SVIL: variants seen among roughly 807,000 people sequenced by gnomAD.
SVIL encodes archvillin.
In SVIL, 101 loss-of-function variants were observed where a neutral mutation model predicts 240.4. The ratio of observed to expected loss-of-function variants is 0.42; its 90% confidence interval spans 0.36 to 0.50. The LOEUF is 0.50. Among genes scored for constraint, SVIL ranks in the 20% least tolerant of loss-of-function variants. The pLI, the probability that SVIL is intolerant of heterozygous loss-of-function variation, is 0.01. For missense variants in SVIL, 2,512 were observed against 2,818.7 expected, an observed-to-expected ratio of 0.89 and a Z score of 2.46; for synonymous variants, 999 against 1,100.0, an observed-to-expected ratio of 0.91 and a Z score of 1.82.
rs550638601 is a variant in SVIL, at chr10:29,728,558, A to G, written c.-400+7193T>C. On this transcript the variant is annotated intron_variant, in intron 1 of 35. Transcript: ENST00000375400. ...GAAGGGTTTGCAAATTGTTAAGAAGAAAAAAATGAAAGGGAAAGGAATGCA... is the reference window on the plus strand; with the variant it reads ...GAAGGGTTTGCAAATTGTTAAGAAGGAAAAAATGAAAGGGAAAGGAATGCA... 6.6e-5 allele frequency among the ~76,000 whole-genome samples: 10 copies of G among 152,282 alleles called. No individual in the cohort carries two copies. In the South Asian group the frequency reaches 2.1e-3, roughly 32 times the overall value.
At chr10:29,597,036 A>G (rs956870250) in intron 1 of SVIL, among the ~76,000 whole-genome samples, 3 of 152,222 alleles carry the variant, frequency 2.0e-5, no homozygotes, top group Admixed American at 6.5e-5. Context: ...TGGTCCAGCA[A>G]CTATCGCATT....
intron 18 of SVIL, 97 bp downstream of exon 18, chr10:29,499,019 A>C (rs1210813337): frequency 4.8e-6 from 7 of 1,464,298 alleles, no homozygotes; most frequent in African/African-American, 1.4e-5. Flanking sequence ...TCTTCTTTTA[A>C]ATTGAGCTAT....
chr10:29,589,599 T>C (rs1284392720), intron 1 of SVIL, among the ~76,000 whole-genome samples: 1 of 152,188 alleles, frequency 6.6e-6, no homozygotes, highest in Non-Finnish European at 1.5e-5. Context: ...GTTTGAGCCC[T>C]AATTGGAACT....
At chr10:29,464,715 A>G (rs944853826) in intron 34 of SVIL, among the ~76,000 whole-genome samples, 39 of 152,272 alleles carry the variant, frequency 2.6e-4, no homozygotes, top group African/African-American at 9.1e-4. Context: ...TGATTTTCCA[A>G]GCATGACATG....
intron 28 of SVIL, 49 bp from the exon 29 acceptor site, chr10:29,480,862 A>G: frequency 1.9e-6 from 3 of 1,563,638 alleles, no homozygotes; most frequent in Non-Finnish European, 2.6e-6. Flanking sequence ...TTCTGCAGCT[A>G]TTCCTTGTCA....
chr10:29,651,280 G>A (rs1466369792), intron 3 of SVIL, among the ~76,000 whole-genome samples: 1 of 152,140 alleles, frequency 6.6e-6, no homozygotes, highest in Non-Finnish European at 1.5e-5. Context: ...AAAGATCCAA[G>A]AGCAATTTTT....
chr10:29,520,063 T>C (rs1950463527), intron 16 of SVIL, among the ~76,000 whole-genome samples: 1 of 152,192 alleles, frequency 6.6e-6, no homozygotes, highest in African/African-American at 2.4e-5. Context: ...AAAAAACAGG[T>C]AAGTAAATCA....
rs910667959 is a variant in SVIL, at chr10:29,735,491, G to GGCCGC, written c.-400+255_-400+259dup. On this transcript the variant is annotated intron_variant, in intron 1 of 35. Transcript: ENST00000375400. This position sits in a 1 kb window ranked among gnomAD's most constrained non-coding sequence, Gnocchi z 4.1. The stretch of plus-strand genomic sequence containing the variant: ...GGGGACGGAAGTGGGTGGGAGCCGC[G>GGCCGC]GCCGCGCCGCGCCTTTGTTACGGCT... Among the ~76,000 whole-genome samples the GGCCGC allele has an allele frequency of 1.3e-5, 2 of 151,624 alleles. No individual in the cohort carries two copies. The highest frequency in any genetic ancestry group is 2.4e-5 in the African/African-American group (1 of 41,336).
chr10:29,612,231 T>C (rs1402362400), intron 1 of SVIL, among the ~76,000 whole-genome samples: 3 of 152,134 alleles, frequency 2.0e-5, no homozygotes, highest in Admixed American at 6.5e-5. Flanking sequence ...GCATGGACAG[T>C]CGGTTGACTA....
intron 1 of SVIL, among the ~76,000 whole-genome samples, chr10:29,702,386 A>G (rs1435234429): frequency 6.6e-6 from 1 of 152,086 alleles, no homozygotes; most frequent in Admixed American, 6.6e-5. Flanking sequence ...GATCTAAGAC[A>G]AAAACCATCC....
intron 1 of SVIL, among the ~76,000 whole-genome samples, chr10:29,608,504 T>C (rs939803825): frequency 2.6e-5 from 4 of 152,336 alleles, no homozygotes; most frequent in Non-Finnish European, 5.9e-5. Flanking sequence ...TGCCCAGCCG[T>C]GGACCTGGGC....
intron 2 of SVIL, among the ~76,000 whole-genome samples, chr10:29,670,574 G>A (rs554414230): frequency 4.6e-5 from 7 of 152,172 alleles, no homozygotes; most frequent in Non-Finnish European, 1.0e-4. Context: ...AACATCGTTT[G>A]TTTGACATAA....
chr10:29,519,323 TG>T (rs556552849), intron 16 of SVIL, among the ~76,000 whole-genome samples: 65 of 152,240 alleles, frequency 4.3e-4, no homozygotes, highest in African/African-American at 1.5e-3. Flanking sequence ...ACGTGGCCCC[TG>T]GGTCAGCTCT....
chr10:29,503,952 T>C (rs1949084412), intron 17 of SVIL, among the ~76,000 whole-genome samples: 1 of 152,210 alleles, frequency 6.6e-6, no homozygotes, highest in South Asian at 2.1e-4. Flanking sequence ...CAAGACTTAC[T>C]ATAAAGCCTC....
intron 1 of SVIL, among the ~76,000 whole-genome samples, chr10:29,698,709 GAAA>G (rs71909536): frequency 0.02 from 2,922 of 144,276 alleles, 89 homozygotes; most frequent in African/African-American, 0.066. Context: ...ATTACTCCAG[GAAA>G]AAAAAAAAAA....
rs1351841870 is a variant in SVIL at position 29,457,716 on chromosome 10, A to AAGAT, written c.*527_*530dup. 1 of 152,680 alleles carries AAGAT rather than the reference A, an allele frequency of 6.5e-6. No homozygotes were observed. Among genetic ancestry groups the AAGAT allele is most frequent in the African/African-American group, 2.4e-5 (1 of 41,466 alleles). 9.5% of individuals were successfully genotyped at this position (152,680 alleles called of 1,614,324 possible). ...CAGGAAACATTTCCAAACGTGTATGAAGATACATATTGGTGGCAGAGCTAA... is the reference window on the plus strand; with the variant it reads ...CAGGAAACATTTCCAAACGTGTATGAAGATAGATACATATTGGTGGCAGAGCTAA... On this transcript the variant is annotated 3_prime_UTR_variant, in exon 38 of 38. Coordinates refer to ENST00000355867, the MANE Select transcript of SVIL (RefSeq NM_021738.3).
intron 1 of SVIL, among the ~76,000 whole-genome samples, chr10:29,730,776 A>C (rs1314773923): frequency 1.3e-5 from 2 of 152,212 alleles, no homozygotes; most frequent in Admixed American, 1.3e-4. Context: ...GGTTTTATAC[A>C]TGCCCAAGCA....
intron 1 of SVIL, among the ~76,000 whole-genome samples, chr10:29,694,848 C>T (rs1003335397): frequency 6.6e-6 from 1 of 152,134 alleles, no homozygotes; most frequent in Non-Finnish European, 1.5e-5. Flanking sequence ...GAGATTCATA[C>T]GCTATAAGCC....
intron 31 of SVIL, 105 bp downstream of exon 31, chr10:29,471,033 G>T: frequency 9.2e-7 from 1 of 1,083,216 alleles, no homozygotes; most frequent in Non-Finnish European, 1.4e-6. Context: ...CAGAGGTCGA[G>T]CCACAGCTAG....
Sources: gnomAD v4.1 joint callset for allele counts (sites outside exome capture counted in the v4.1 genomes callset) on GRCh38, gnomAD v4.1.1 for gene constraint, Gnocchi (gnomAD v3.1) non-coding constraint, MANE v1.5 for transcripts, NCBI Gene and HGNC (gene_info 2026-07-23, HGNC 2026-07-21) for gene names.